The following PRIM2 variants were observed in gnomAD, a reference collection of about 807,000 sequenced individuals.
The protein encoded by PRIM2 is DNA primase subunit 2, also known as DNA primase large subunit.
PRIM2 carries 39 observed loss-of-function variants against 67.3 expected under a neutral mutation model. That is an observed-to-expected ratio of 0.58 (90% confidence interval 0.45 to 0.76). The LOEUF is 0.76. Ranked by LOEUF, PRIM2 falls within the 30% of genes least tolerant of loss-of-function variation. The pLI is 0.00. For synonymous variants in PRIM2, 143 were observed against 198.7 expected (o/e 0.72, Z 2.36); for missense variants, 398 against 598.7 (o/e 0.66, Z 3.50).
At chr6:57,335,841 G>A (rs1316208325) in intron 5 of PRIM2, among the ~76,000 whole-genome samples, 5 of 151,508 alleles carry the variant, frequency 3.3e-5, no homozygotes, top group African/African-American at 4.8e-5. Context: ...CACCAGCAAC[G>A]GAACAAAGCT....
At chr6:57,467,706 A>G (rs1773239560) in intron 7 of PRIM2, among the ~76,000 whole-genome samples, 1 of 152,162 alleles carries the variant, frequency 6.6e-6, no homozygotes, top group South Asian at 2.1e-4. Flanking sequence ...GAATATATAA[A>G]TTACTTTGGG....
chr6:57,399,606 G>A (rs1770638652), intron 7 of PRIM2, among the ~76,000 whole-genome samples: 1 of 152,210 alleles, frequency 6.6e-6, no homozygotes, highest in Admixed American at 6.5e-5. Context: ...GATCCTTGAG[G>A]AGTCACCACA....
At chr6:57,416,547 A>G (rs1165324387) in intron 7 of PRIM2, among the ~76,000 whole-genome samples, 7 of 152,164 alleles carry the variant, frequency 4.6e-5, no homozygotes, top group Non-Finnish European at 8.8e-5. Flanking sequence ...TGAAGCTTTG[A>G]AGCCAGGCTT....
At chr6:57,415,040 G>A (rs1771212732) in intron 7 of PRIM2, among the ~76,000 whole-genome samples, 1 of 152,112 alleles carries the variant, frequency 6.6e-6, no homozygotes, top group East Asian at 1.9e-4. Flanking sequence ...GTGGTTTAAG[G>A]CAGGATTTTT....
intron 10 of PRIM2, among the ~76,000 whole-genome samples, chr6:57,553,405 CTA>C (rs1286958809): frequency 7.9e-5 from 12 of 151,432 alleles, no homozygotes; most frequent in Non-Finnish European, 1.8e-4. Flanking sequence ...CTTGAAAAAT[CTA>C]TATTTAAAAA....
chr6:57,322,848 T>C (rs951878888), intron 3 of PRIM2, among the ~76,000 whole-genome samples: 2 of 152,082 alleles, frequency 1.3e-5, no homozygotes, highest in African/African-American at 4.8e-5. Flanking sequence ...TTCTGTAAAG[T>C]AGGTGAAGTC....
At chr6:57,297,932 C>T in the PRIM2 span, among the ~76,000 whole-genome samples, 7 of 152,078 alleles carry the variant, frequency 4.6e-5, no homozygotes, top group Admixed American at 2.0e-4. Context: ...AAATGCAACG[C>T]GGGATCATGG....
At position 57,378,266 on chromosome 6, in the gene PRIM2, G is replaced by A. The variant is rs561275249; in HGVS notation, c.460-1635G>A. Among the ~76,000 whole-genome samples the A allele has an allele frequency of 2.9e-4, 43 of 150,858 alleles. 1 individual carries two copies. The South Asian group carries it at 7.8e-3, about 27-fold the overall frequency. On this transcript the variant is annotated intron_variant, in intron 5 of 13. Transcript: ENST00000615550. ...TTTTTTGTAGAGATGGGGTCTCACC[G>A]TGTTGCCCAGGCTGGTCTCAAACTC...
intron 7 of PRIM2, among the ~76,000 whole-genome samples, chr6:57,460,544 T>C (rs1305469675): frequency 5.3e-5 from 8 of 151,734 alleles, no homozygotes; most frequent in Admixed American, 6.6e-5. Flanking sequence ...ACTGCCATTT[T>C]AAAGAATGTC....
At chr6:57,601,064 T>C in intron 10 of PRIM2, 29 bp from the exon 11 acceptor site, 2 of 1,579,234 alleles carry the variant, frequency 1.3e-6, no homozygotes, top group Non-Finnish European at 8.6e-7. Context: ...TGGCTGACTT[T>C]GTCTCTTTTT....
chr6:57,369,506 A>G (rs1769474281), intron 5 of PRIM2, among the ~76,000 whole-genome samples: 2 of 152,208 alleles, frequency 1.3e-5, no homozygotes, highest in South Asian at 4.1e-4. Context: ...ATAGGGATTG[A>G]GATGTGGGGA....
the PRIM2 span, among the ~76,000 whole-genome samples, chr6:57,227,867 C>CA: frequency 6.6e-6 from 1 of 152,042 alleles, no homozygotes; most frequent in Non-Finnish European, 1.5e-5. Context: ...TATTAAGTCA[C>CA]AAAAAAGTGG....
the PRIM2 span, among the ~76,000 whole-genome samples, chr6:57,281,188 T>G: frequency 2.0e-5 from 3 of 152,234 alleles, no homozygotes; most frequent in Non-Finnish European, 1.5e-5. Flanking sequence ...TTTTCTTTTA[T>G]CTATTCATCC....
chr6:57,437,328 A>G (rs9464490), intron 7 of PRIM2, among the ~76,000 whole-genome samples: 5 of 152,236 alleles, frequency 3.3e-5, no homozygotes, highest in African/African-American at 4.8e-5. Flanking sequence ...TGATAGGGAC[A>G]CAGATCCAAA....
chr6:57,318,711 T>C, intron 2 of PRIM2, 112 bp downstream of exon 2: 6 of 847,472 alleles, frequency 7.1e-6, no homozygotes, highest in South Asian at 1.7e-5. Context: ...TCAACAAGTA[T>C]TTATTGAGGT....
chr6:57,604,986 G>T (rs1259513614), intron 11 of PRIM2, among the ~76,000 whole-genome samples: 1 of 152,178 alleles, frequency 6.6e-6, no homozygotes, highest in Non-Finnish European at 1.5e-5. Context: ...CACCGCGCTT[G>T]GCCAGGATAT....
chr6:57,257,742 A>T, the PRIM2 span, among the ~76,000 whole-genome samples: 1 of 152,168 alleles, frequency 6.6e-6, no homozygotes, highest in Non-Finnish European at 1.5e-5. Context: ...TCCATTTCTC[A>T]TTTGTAAAAT....
intron 6 of PRIM2, among the ~76,000 whole-genome samples, chr6:57,381,083 T>C (rs1769944531): frequency 6.6e-6 from 1 of 152,146 alleles, no homozygotes; most frequent in South Asian, 2.1e-4. Flanking sequence ...ATGTCCTATG[T>C]AAGCTACCTA....
intron 12 of PRIM2, among the ~76,000 whole-genome samples, chr6:57,614,116 C>T (rs1776712150): frequency 6.6e-6 from 1 of 152,218 alleles, no homozygotes; most frequent in Non-Finnish European, 1.5e-5. Context: ...GCAAGCATTA[C>T]TGCCTGAGCC....
Sources: allele counts gnomAD v4.1 joint callset (sites outside exome capture counted in the v4.1 genomes callset), GRCh38; gene constraint gnomAD v4.1.1; transcripts MANE v1.5; gene names NCBI Gene and HGNC (gene_info 2026-07-23, HGNC 2026-07-21).